FTO: variants seen among roughly 807,000 people sequenced by gnomAD.
FTO encodes FTO alpha-ketoglutarate dependent dioxygenase.
Under a neutral mutation model 63.9 loss-of-function variants are expected in FTO, and 47 were observed. The ratio of observed to expected loss-of-function variants is 0.74; its 90% CI spans 0.58 to 0.94. The LOEUF is 0.94. Ranked by LOEUF, FTO falls within the 40% of genes least tolerant of loss-of-function variation. The probability of loss-of-function intolerance (pLI) is 0.00; values close to 1 mark genes in which losing one functional copy is unlikely to be tolerated. For synonymous variants in FTO, 207 were observed against 224.4 expected (o/e 0.92, Z 0.69); for missense variants, 562 against 618.1 (o/e 0.91, Z 0.96).
chr16:53,743,871 G>T (rs539536326), intron 1 of FTO, among the ~76,000 whole-genome samples: 1 of 151,822 alleles, frequency 6.6e-6, no homozygotes, highest in Non-Finnish European at 1.5e-5. Flanking sequence ...ATAGAGTTTG[G>T]TTGCTTTCAG....
intron 8 of FTO, among the ~76,000 whole-genome samples, chr16:53,948,617 T>C (rs1295047244): frequency 1.3e-5 from 2 of 152,256 alleles, no homozygotes; most frequent in Non-Finnish European, 2.9e-5. Flanking sequence ...GCAGGATCTA[T>C]GTTAGTAGGT....
chr16:53,814,060 G>A (rs910446667), intron 2 of FTO, among the ~76,000 whole-genome samples: 2 of 152,248 alleles, frequency 1.3e-5, no homozygotes, highest in African/African-American at 4.8e-5. Context: ...GCCCATATTT[G>A]TCTGACTCTG....
At chr16:54,073,148 C>T (rs1229356442) in intron 8 of FTO, among the ~76,000 whole-genome samples, 1 of 152,098 alleles carries the variant, frequency 6.6e-6, no homozygotes, top group African/African-American at 2.4e-5. Context: ...CCTACGTGTC[C>T]TGTTGCGTCC....
intron 8 of FTO, among the ~76,000 whole-genome samples, chr16:54,096,145 G>A (rs1031727198): frequency 2.6e-4 from 40 of 152,192 alleles, no homozygotes; most frequent in African/African-American, 9.4e-4. Context: ...AGTCACAGAA[G>A]TCCTTCTGCC....
chr16:53,736,023 A>C (rs1168242341), intron 1 of FTO, among the ~76,000 whole-genome samples: 2 of 152,064 alleles, frequency 1.3e-5, no homozygotes, highest in Non-Finnish European at 2.9e-5. Flanking sequence ...GCAAGCTCTT[A>C]TGGCACTAAT....
At chr16:53,942,144 G>T (rs2082544373) in intron 8 of FTO, among the ~76,000 whole-genome samples, 1 of 152,148 alleles carries the variant, frequency 6.6e-6, no homozygotes, top group African/African-American at 2.4e-5. Context: ...GAAATTCGAA[G>T]TCAGGATGGA....
chr16:53,722,215 A>G (rs2076056911), intron 1 of FTO, among the ~76,000 whole-genome samples: 1 of 152,168 alleles, frequency 6.6e-6, no homozygotes, highest in African/African-American at 2.4e-5. Context: ...ATGGTACCGT[A>G]TGTGGTTGAC....
chr16:53,945,360 A>T (rs2143439596), intron 8 of FTO, among the ~76,000 whole-genome samples: 1 of 152,368 alleles, frequency 6.6e-6, no homozygotes, highest in Non-Finnish European at 1.5e-5. Context: ...AAACCGAGGC[A>T]CAGAGGTGCA....
Position 53,819,380 on chromosome 16 carries a change from C to T in FTO, c.124-6484C>T, listed in dbSNP as rs567869046. ...AGAGAGGGGATTTCACCTTGTTGCCCAGGCTAGTCTCGAGCTCGTCAGCTC... is the reference window on the plus strand; with the variant it reads ...AGAGAGGGGATTTCACCTTGTTGCCTAGGCTAGTCTCGAGCTCGTCAGCTC... On this transcript the variant is annotated intron_variant, in intron 2 of 8. Transcript: ENST00000471389. 6.6e-5 allele frequency among the ~76,000 whole-genome samples: 10 copies of T among 152,200 alleles called. 1 individual carries two copies. The highest frequency in any genetic ancestry group is 5.2e-4 in the Admixed American group (8 of 15,296).
chr16:53,957,761 T>C (rs1391410367), intron 8 of FTO, among the ~76,000 whole-genome samples: 1 of 152,262 alleles, frequency 6.6e-6, no homozygotes, highest in Non-Finnish European at 1.5e-5. Context: ...GGAGGAATGA[T>C]AGTAGAAATG....
At chr16:54,065,390 C>T (rs530355862) in intron 8 of FTO, among the ~76,000 whole-genome samples, 140 of 152,100 alleles carry the variant, frequency 9.2e-4, no homozygotes, top group African/African-American at 3.2e-3. Flanking sequence ...TCTCGAACTC[C>T]TGGACTCAAG....
chr16:53,718,056 C>T (rs914844235), intron 1 of FTO, among the ~76,000 whole-genome samples: 3 of 152,100 alleles, frequency 2.0e-5, no homozygotes, highest in Middle Eastern at 3.4e-3. Context: ...TGTGCCCCAC[C>T]AGTCTTTTGG....
rs2085487187 is a variant in FTO, at chr16:54,058,347, T to A, written c.1365-53415T>A. ...CATGTTGGCCAGGCTAGTCTCGAAC[T>A]CCTGACTTCAGGTGATTCACCCACC... On this transcript the variant is annotated intron_variant, in intron 8 of 8. Coordinates refer to ENST00000471389, the MANE Select transcript of FTO (RefSeq NM_001080432.3). Among the ~76,000 whole-genome samples, 4 of 152,142 alleles carry A rather than the reference T, an allele frequency of 2.6e-5. No homozygotes were observed. The South Asian group carries it at 8.3e-4, about 32-fold the overall frequency.
In FTO at chr16:54,053,746, C is replaced by A. The variant is rs577811265; in HGVS notation, c.1365-58016C>A. ...CCAGTGTTCACTGTGGGTTTCCTTA[C>A]ATCCCTCCCCTGCCCAAACCCCTGC... On this transcript the variant is annotated intron_variant, in intron 8 of 8. Transcript: ENST00000471389. Among the ~76,000 whole-genome samples the A allele has an allele frequency of 7.0e-4, 106 of 152,310 alleles. 2 individuals are homozygous for A. The South Asian group carries it at 0.022, about 31-fold the overall frequency.
At chr16:53,801,286 C>T (rs535432988) in intron 1 of FTO, among the ~76,000 whole-genome samples, 4 of 150,694 alleles carry the variant, frequency 2.7e-5, no homozygotes, top group South Asian at 4.2e-4. Context: ...CCATCTTTAT[C>T]GTATCGGAAT....
At chr16:53,982,120 A>G (rs1248893716) in intron 8 of FTO, among the ~76,000 whole-genome samples, 1 of 152,106 alleles carries the variant, frequency 6.6e-6, no homozygotes, top group South Asian at 2.1e-4. Flanking sequence ...CTTCATTTCA[A>G]TATCTCCATC....
At chr16:53,737,653 C>T (rs2076420214) in intron 1 of FTO, among the ~76,000 whole-genome samples, 1 of 152,170 alleles carries the variant, frequency 6.6e-6, no homozygotes, top group Admixed American at 6.5e-5. Context: ...AAGGATGCTC[C>T]TTGTCACCCA....
At position 53,885,030 on chromosome 16, in the gene FTO, G is replaced by A. The variant is rs2080962804; in HGVS notation, c.1120-3802G>A. Among the ~76,000 whole-genome samples the A allele has an allele frequency of 3.3e-5, 5 of 152,204 alleles. No homozygotes were observed. In the South Asian group the frequency reaches 1.0e-3, roughly 32 times the overall value. ...GCGGCCTACAACTCTGGAGAAGGGA[G>A]GAAGACCCAACTCCTGTCATGGTTA... On this transcript the variant is annotated intron_variant, in intron 6 of 8. Transcript: ENST00000471389.
rs564651452 is a variant in FTO at position 54,054,344 on chromosome 16, G to A, written c.1365-57418G>A. 2.0e-5 allele frequency among the ~76,000 whole-genome samples: 3 copies of A among 152,282 alleles called. No individual in the cohort carries two copies. The South Asian group carries it at 6.2e-4, about 32-fold the overall frequency. The stretch of plus-strand genomic sequence containing the variant: ...ACTGTAGAAACGGGGTGGTGCCAGT[G>A]GGGAGGAAGGTGAACGCGTGTGAAA... On this transcript the variant is annotated intron_variant, in intron 8 of 8. Coordinates refer to ENST00000471389, the MANE Select transcript of FTO (RefSeq NM_001080432.3).
Sources: allele counts gnomAD v4.1 joint callset (sites outside exome capture counted in the v4.1 genomes callset), GRCh38; gene constraint gnomAD v4.1.1; transcripts MANE v1.5; gene names NCBI Gene and HGNC (gene_info 2026-07-23, HGNC 2026-07-21).